Variants in SLC22A24 observed in about 807,000 individuals in gnomAD.
SLC22A24 encodes the protein solute carrier family 22 member 24.
Under a neutral mutation model 49.8 loss-of-function variants are expected in SLC22A24, and 53 were observed. The observed-to-expected ratio is 1.06, with a 90% CI of 0.85 to 1.34. The LOEUF is 1.34. Ranked by LOEUF, SLC22A24 falls within the 40% of genes most tolerant of loss-of-function variation. The pLI is 0.00. For missense variants in SLC22A24, 786 were observed against 675.9 expected (o/e 1.16, Z -1.81); for synonymous variants, 302 against 256.4 (o/e 1.18, Z -1.70).
chr11:63,130,548 G>A (rs1318221879), intron 2 of SLC22A24, among the ~76,000 whole-genome samples: 1 of 152,146 alleles, frequency 6.6e-6, no homozygotes, highest in Non-Finnish European at 1.5e-5. Context: ...CAGAAGGAAT[G>A]GTACCTACTC....
intron 6 of SLC22A24, among the ~76,000 whole-genome samples, chr11:63,088,826 A>T (rs1041692150): frequency 6.6e-6 from 1 of 152,104 alleles, no homozygotes; most frequent in Non-Finnish European, 1.5e-5. Context: ...AAAGGATATC[A>T]GAGAATGAAG....
rs2087170528 is a variant in SLC22A24 at position 63,112,189 on chromosome 11, G to A, written c.830+6723C>T. Among the ~76,000 whole-genome samples the A allele has an allele frequency of 2.6e-5, 4 of 152,086 alleles. No homozygotes were observed. The South Asian group carries it at 8.3e-4, about 32-fold the overall frequency. Reference sequence around the variant, plus strand: ...GTGAGATTCTTAATCCTGAGTTCTAGTTTGATTGCACTGTGGTCTGAGAGA... The same window carrying A: ...GTGAGATTCTTAATCCTGAGTTCTAATTTGATTGCACTGTGGTCTGAGAGA... On this transcript the variant is annotated intron_variant, in intron 4 of 9. Coordinates refer to ENST00000612278, the MANE Select transcript of SLC22A24 (RefSeq NM_001136506.2).
At chr11:63,097,969 T>A (rs1039275351) in intron 5 of SLC22A24, among the ~76,000 whole-genome samples, 1 of 151,902 alleles carries the variant, frequency 6.6e-6, no homozygotes, top group East Asian at 1.9e-4. Flanking sequence ...ACCTAATGCA[T>A]GTGAAGCTTA....
At chr11:63,126,546 G>A (rs1407719644) in intron 2 of SLC22A24, among the ~76,000 whole-genome samples, 1 of 152,150 alleles carries the variant, frequency 6.6e-6, no homozygotes, top group Non-Finnish European at 1.5e-5. Flanking sequence ...GTACCATGCT[G>A]TTTTGATTAC....
chr11:63,098,666 A>C (rs1383278080), intron 5 of SLC22A24, among the ~76,000 whole-genome samples: 2 of 151,974 alleles, frequency 1.3e-5, no homozygotes, highest in Non-Finnish European at 2.9e-5. Flanking sequence ...CCATCTCAAA[A>C]AAACAAACAA....
Position 63,143,835 on chromosome 11 carries a change from T to A in SLC22A24, c.-56A>T. ...GCACAATGACTTTATGAAGAGAAGT[T>A]CAGAGGGAGAAAATGTCCCCTTTCA... On this transcript the variant is annotated 5_prime_UTR_variant, in exon 1 of 10. Coordinates refer to ENST00000612278, the MANE Select transcript of SLC22A24 (RefSeq NM_001136506.2). 7.8e-7 allele frequency: 1 copy of A among 1,284,414 alleles called. No homozygotes were observed. The highest frequency in any genetic ancestry group is 3.9e-5 in the Admixed American group (1 of 25,322). The allele number at this position is 1,284,414 out of a possible 1,614,324, so 79.6% of individuals were successfully genotyped here. A position where few individuals can be genotyped will look rare whatever the true frequency, so the allele number is the denominator to read the frequency against.
At chr11:63,103,479 A>T (rs1047589300) in intron 5 of SLC22A24, among the ~76,000 whole-genome samples, 5 of 152,148 alleles carry the variant, frequency 3.3e-5, no homozygotes, top group Non-Finnish European at 4.4e-5. Flanking sequence ...TTATTTTCTT[A>T]TCAACATCTA....
intron 6 of SLC22A24, among the ~76,000 whole-genome samples, chr11:63,089,332 G>A (rs2087004979): frequency 6.6e-6 from 1 of 152,074 alleles, no homozygotes; most frequent in Admixed American, 6.6e-5. Context: ...AGTTTCATGT[G>A]AAGGAAAAAC....
chr11:63,083,162 G>T, intron 7 of SLC22A24, 81 bp downstream of exon 7: 2 of 1,133,580 alleles, frequency 1.8e-6, no homozygotes, highest in Non-Finnish European at 2.6e-6. Flanking sequence ...CTGTTCTTTT[G>T]GCACCAGGCA....
At position 63,112,161 on chromosome 11, in the gene SLC22A24, T is replaced by C. The variant is rs544078531; in HGVS notation, c.830+6751A>G. On this transcript the variant is annotated intron_variant, in intron 4 of 9. Transcript: ENST00000612278. ...CATTTTCCATGTAGTTGAGTGGTTT[T>C]GAGTGAGATTCTTAATCCTGAGTTC... is the stretch of plus-strand genomic sequence containing the variant. Among the ~76,000 whole-genome samples, 356 of 152,312 alleles carry C rather than the reference T, an allele frequency of 2.3e-3. 1 individual carries two copies. Among genetic ancestry groups the C allele is most frequent in the Non-Finnish European group, 4.0e-3 (270 of 68,034 alleles).
chr11:63,087,313 T>C (rs1400615980), intron 6 of SLC22A24, among the ~76,000 whole-genome samples: 1 of 152,088 alleles, frequency 6.6e-6, no homozygotes, highest in Non-Finnish European at 1.5e-5. Context: ...GGGCGTCAGC[T>C]CACCCGGGAA....
intron 2 of SLC22A24, among the ~76,000 whole-genome samples, chr11:63,124,854 CA>C (rs2087277378): frequency 6.8e-6 from 1 of 148,110 alleles, no homozygotes; most frequent in African/African-American, 2.5e-5. Context: ...ATTGCAAGGA[CA>C]AAAAACCAAA....
chr11:63,132,959 G>T (rs1476253950), intron 2 of SLC22A24, among the ~76,000 whole-genome samples: 1 of 152,184 alleles, frequency 6.6e-6, no homozygotes, highest in African/African-American at 2.4e-5. Context: ...GGTGGGCTCT[G>T]CCCAGTTCGA....
At chr11:63,103,782 A>C (rs1248946210) in intron 5 of SLC22A24, among the ~76,000 whole-genome samples, 1 of 152,208 alleles carries the variant, frequency 6.6e-6, no homozygotes, top group Non-Finnish European at 1.5e-5. Flanking sequence ...GAATAAATAC[A>C]TAAAGGGTCA....
intron 2 of SLC22A24, among the ~76,000 whole-genome samples, chr11:63,133,486 A>G (rs1209076411): frequency 1.3e-5 from 2 of 152,170 alleles, no homozygotes; most frequent in Admixed American, 6.5e-5. Flanking sequence ...AGACTGTCAG[A>G]TGACATTGAG....
chr11:63,106,082 TC>T (rs2087119668), intron 4 of SLC22A24, among the ~76,000 whole-genome samples: 1 of 45,928 alleles, frequency 2.2e-5, no homozygotes, highest in African/African-American at 8.5e-5. Flanking sequence ...CCCTCCCCCC[TC>T]CCCCCACCCC....
intron 6 of SLC22A24, 92 bp from the exon 7 acceptor site, chr11:63,083,549 A>G: frequency 9.7e-7 from 1 of 1,032,556 alleles, no homozygotes; most frequent in Non-Finnish European, 1.4e-6. Context: ...CCTACAAATG[A>G]TTATAATATT....
intron 4 of SLC22A24, among the ~76,000 whole-genome samples, chr11:63,108,926 A>C: frequency 6.9e-6 from 1 of 145,912 alleles, no homozygotes; most frequent in Non-Finnish European, 1.5e-5. Context: ...TACATGTGCC[A>C]TGCTGGTGTG....
chr11:63,090,703 A>T (rs1464125388), intron 6 of SLC22A24, among the ~76,000 whole-genome samples: 1 of 111,044 alleles, frequency 9.0e-6, no homozygotes, highest in Non-Finnish European at 2.0e-5. Flanking sequence ...TAGCTATCTT[A>T]AAAAAAAAAG....
Sources: gnomAD v4.1 joint callset for allele counts (sites outside exome capture counted in the v4.1 genomes callset) on GRCh38, gnomAD v4.1.1 for gene constraint, MANE v1.5 for transcripts, NCBI Gene and HGNC (gene_info 2026-07-23, HGNC 2026-07-21) for gene names.